BCOR: variants seen among roughly 807,000 people sequenced by gnomAD.
BCOR encodes BCL6 corepressor, also known as BCL-6 corepressor.
Under a neutral mutation model 86.7 loss-of-function variants are expected in BCOR, and 10 were observed. The observed-to-expected ratio is 0.12, with a 90% confidence interval of 0.07 to 0.20. The LOEUF is 0.20. Ranked by LOEUF, BCOR falls within the 10% of genes least tolerant of loss-of-function variation. The pLI, the probability that BCOR is intolerant of heterozygous loss-of-function variation, is 1.00. For synonymous variants in BCOR, 611 were observed against 609.0 expected, an observed-to-expected ratio of 1.00 and a Z score of -0.05; for missense variants, 1,259 against 1,452.1, an observed-to-expected ratio of 0.87 and a Z score of 2.16.
chrX:40,080,312 G>A lies in BCOR; in HGVS notation c.-40-2343C>T, dbSNP rs368938528. On this transcript the variant is annotated intron_variant, in intron 1 of 14. Coordinates refer to ENST00000378444, the MANE Select transcript of BCOR (RefSeq NM_001123385.2). ...CAAAATTAGCTGGGCGTGGTGGTGC[G>A]TGCCTGCAATCCCAGCTACTCGGGA... 1.3e-4 allele frequency among the ~76,000 whole-genome samples: 14 copies of A among 110,088 alleles called. No homozygotes were observed. In the East Asian group the frequency reaches 3.5e-3, roughly 27 times the overall value.
At chrX:40,099,046 T>C (rs747240583), upstream of BCOR, among the ~76,000 whole-genome samples, 37 of 113,334 alleles carry the variant, frequency 3.3e-4, no homozygotes, top group East Asian at 4.7e-3. Flanking sequence ...TTATTTTCCT[T>C]GACAGGGAGC....
intron 1 of BCOR, among the ~76,000 whole-genome samples, chrX:40,079,588 A>G (rs1053642482): frequency 1.8e-5 from 2 of 111,509 alleles, no homozygotes; most frequent in African/African-American, 6.5e-5. Flanking sequence ...GAAGAGAGGT[A>G]AAGGGCCCAA....
chrX:40,159,406 G>C (rs948793382), intron 1 of BCOR, among the ~76,000 whole-genome samples: 2 of 113,059 alleles, frequency 1.8e-5, no homozygotes, highest in Non-Finnish European at 1.9e-5. Flanking sequence ...GAGTGCACTG[G>C]CGCGATCTCC....
chrX:40,066,692 G>T (rs1338895707), intron 6 of BCOR, among the ~76,000 whole-genome samples: 1 of 111,882 alleles, frequency 8.9e-6, no homozygotes, highest in East Asian at 2.8e-4. Context: ...ATGTAAAAAT[G>T]TAAAGACTGT....
At chrX:40,160,209 G>A (rs1322770156) in intron 1 of BCOR, among the ~76,000 whole-genome samples, 2 of 108,959 alleles carry the variant, frequency 1.8e-5, no homozygotes, top group African/African-American at 6.7e-5. Flanking sequence ...TCCGCCTCCC[G>A]GATTCACGCC....
rs199927356 is a variant in BCOR at position 40,069,121 on chromosome X, G to A, written c.3238+1852C>T. On this transcript the variant is annotated intron_variant, in intron 6 of 14. Transcript: ENST00000378444. ...GAATTTGAAGCCAAACGGATCCAGC[G>A]CATGCTGTACCCTGGATGAGATGGC... 3.0e-4 allele frequency among the ~76,000 whole-genome samples: 34 copies of A among 112,770 alleles called. No homozygotes were observed. In the East Asian group the frequency reaches 7.0e-3, roughly 23 times the overall value.
Position 40,149,465 on chromosome X carries a change from G to A in BCOR, c.-41+27542C>T, listed in dbSNP as rs751958718. On this transcript the variant is annotated intron_variant, in intron 1 of 14. Transcript: ENST00000342274. ...CAAGTTCAGCCAAGCTGAGCCCAGCGCCAGGGGAAGTGAGGAGTAGTGGAT... is the reference window on the plus strand; with the variant it reads ...CAAGTTCAGCCAAGCTGAGCCCAGCACCAGGGGAAGTGAGGAGTAGTGGAT... Among the ~76,000 whole-genome samples the A allele has an allele frequency of 1.1e-4, 12 of 111,174 alleles. No homozygotes were observed. The South Asian group carries it at 4.6e-3, about 42-fold the overall frequency.
At chrX:40,120,956 G>A (rs923370642) in intron 1 of BCOR, among the ~76,000 whole-genome samples, 2 of 111,438 alleles carry the variant, frequency 1.8e-5, no homozygotes, top group East Asian at 2.8e-4. Context: ...AGCCGGGGGA[G>A]CAAGCCAAGA....
At chrX:40,104,616 C>G (rs764139028) in intron 1 of BCOR, among the ~76,000 whole-genome samples, 2 of 111,068 alleles carry the variant, frequency 1.8e-5, no homozygotes, top group Admixed American at 1.9e-4. Flanking sequence ...CCCGAGGCTC[C>G]CACCCCCTGC....
intron 1 of BCOR, among the ~76,000 whole-genome samples, chrX:40,159,369 C>T (rs949780158): frequency 1.4e-4 from 16 of 113,005 alleles, no homozygotes; most frequent in African/African-American, 4.8e-4. Flanking sequence ...TTTTTTGAGA[C>T]AGAGTCTCGC....
Position 40,073,164 on chromosome X carries a change from T to C in BCOR, c.2182A>G (p.Met728Val), listed in dbSNP as rs1310738914. The C allele has an allele frequency of 2.5e-6, 3 of 1,212,138 alleles. No individual in the cohort carries two copies. The highest frequency in any genetic ancestry group is 4.3e-5 in the Admixed American group (2 of 46,118). The change falls in exon 4 of 15, where the codon ATG becomes GTG. Residue 728 changes from methionine (M) to valine (V), a missense_variant. Physicochemically the swap from Met to Val is conservative, Grantham distance 21 (BLOSUM62 1). Around this residue, in one of 7 missense-constraint regions of BCOR, gnomAD observed 534 missense variants for 594.8 expected, o/e 0.90. Transcript: ENST00000378444. ...DALGLGMVHPMLIPHTPIEIT... is the reference protein window; with the variant it reads ...DALGLGMVHPVLIPHTPIEIT... ...TCTATGGGCGTGTGTGGTATCAACA[T>C]GGGATGCACCATGCCCAACCCCAGG...
chrX:40,135,619 A>G (rs1308502292), intron 1 of BCOR, among the ~76,000 whole-genome samples: 1 of 110,698 alleles, frequency 9.0e-6, no homozygotes, highest in African/African-American at 3.3e-5. Flanking sequence ...CGAACTCCTG[A>G]CCTCAGGTAA....
At position 40,138,046 on chromosome X, in the gene BCOR, G is replaced by A. The variant is rs370796344; in HGVS notation, c.-41+38961C>T. Among the ~76,000 whole-genome samples, 92 of 111,340 alleles carry A rather than the reference G, an allele frequency of 8.3e-4. No homozygotes were observed. The South Asian group carries it at 0.032, about 39-fold the overall frequency. On this transcript the variant is annotated intron_variant, in intron 1 of 14. Coordinates refer to the BCOR transcript ENST00000342274. ...TGGCTCACCACAACCTCCGCCTTCCGGGTTCAAGTGATTCTCCTGCCTCAG... is the reference window on the plus strand; with the variant it reads ...TGGCTCACCACAACCTCCGCCTTCCAGGTTCAAGTGATTCTCCTGCCTCAG...
At chrX:40,089,835 G>C (rs1360114235) in intron 1 of BCOR, among the ~76,000 whole-genome samples, 1 of 111,932 alleles carries the variant, frequency 8.9e-6, no homozygotes, top group Non-Finnish European at 1.9e-5. Context: ...CCTTTCCTAG[G>C]ATTTAAAGGA....
At chrX:40,072,278 C>T (rs1297129514) in intron 4 of BCOR, 71 bp downstream of exon 4, 1 of 1,088,976 alleles carries the variant, frequency 9.2e-7, no homozygotes, top group South Asian at 2.0e-5. Flanking sequence ...TACCATACTC[C>T]CCCAATCCTG....
At chrX:40,077,220 G>A (rs1276407947) in intron 2 of BCOR, 1 of 141,219 alleles carries the variant, frequency 7.1e-6, no homozygotes, top group African/African-American at 3.2e-5. Flanking sequence ...TAAAGAAAGT[G>A]CTTGGTGCCA....
chrX:40,176,404 G>A (rs911646833), intron 1 of BCOR, among the ~76,000 whole-genome samples: 2 of 112,238 alleles, frequency 1.8e-5, no homozygotes, highest in Non-Finnish European at 1.9e-5. Flanking sequence ...CCCGCCATGC[G>A]TAATGGGGCG....
At chrX:40,087,233 T>G (rs1303869666) in intron 1 of BCOR, among the ~76,000 whole-genome samples, 4 of 113,099 alleles carry the variant, frequency 3.5e-5, no homozygotes, top group Non-Finnish European at 7.5e-5. Context: ...TTTCGGAAAT[T>G]GCCCAACTCA....
chrX:40,172,740 G>C (rs1219317737), intron 1 of BCOR, among the ~76,000 whole-genome samples: 1 of 113,072 alleles, frequency 8.8e-6, no homozygotes, highest in African/African-American at 3.2e-5. Flanking sequence ...AGCCGCCGCC[G>C]GGCATCTAGC....
Sources: allele counts gnomAD v4.1 joint callset (sites outside exome capture counted in the v4.1 genomes callset), GRCh38; gene constraint gnomAD v4.1.1; regional missense constraint gnomAD v4.1.1; transcripts MANE v1.5; gene names NCBI Gene and HGNC (gene_info 2026-07-23, HGNC 2026-07-21).